Variants in RPS29 observed in about 807,000 individuals in gnomAD.
The protein encoded by RPS29 is small ribosomal subunit protein uS14.
For synonymous variants in RPS29, 37 were observed against 26.9 expected (o/e 1.37, Z -1.16); for missense variants, 60 against 75.7 (o/e 0.79, Z 0.77).
At chr14:49,588,876 C>CTTTTTTTTTTTTTTT (rs577408713), upstream of RPS29, among the ~76,000 whole-genome samples, 1 of 92,466 alleles carries the variant, frequency 1.1e-5, no homozygotes, top group Non-Finnish European at 2.3e-5. Context: ...TTTCTGAGTC[C>CTTTTTTTTTTTTTTT]TTTTTTTTTT....
At chr14:49,587,116 T>C (rs1566483777), upstream of RPS29, among the ~76,000 whole-genome samples, 1 of 152,150 alleles carries the variant, frequency 6.6e-6, no homozygotes, top group South Asian at 2.1e-4. Flanking sequence ...GAGTACGTTT[T>C]CAAATTTATT....
chr14:49,595,967 C>T (rs953770036), intron 1 of RPS29, among the ~76,000 whole-genome samples: 1 of 132,362 alleles, frequency 7.6e-6, no homozygotes, highest in Non-Finnish European at 1.6e-5. Flanking sequence ...GAGGCGAGAT[C>T]GTGCCACTGC....
At chr14:49,581,694 C>G (rs1006185321), downstream of RPS29, among the ~76,000 whole-genome samples, 1 of 152,102 alleles carries the variant, frequency 6.6e-6, no homozygotes, top group Non-Finnish European at 1.5e-5. Flanking sequence ...GAGTCATTAT[C>G]TACTCCTATC....
At chr14:49,571,241 T>C (rs747842543) in exon 3 of RPS29, 13 of 152,110 alleles carry the variant, frequency 8.5e-5, no homozygotes, top group Non-Finnish European at 1.8e-4. Context: ...AAGAATACAC[T>C]TTGCAAAGAA....
Position 49,586,219 on chromosome 14 carries a change from C to T in RPS29, c.62+66G>A, listed in dbSNP as rs1881547197. 1.4e-5 allele frequency: 22 copies of T among 1,550,984 alleles called. No homozygotes were observed. The Admixed American group carries it at 2.8e-4, about 20-fold the overall frequency. ...CTCGTGCCGCCCGTGGCCTCCTCTA[C>T]TTGAGATTTTAAGCAGCCTAGCGCT... On this transcript the variant is annotated intron_variant, in intron 1 of 2. Coordinates refer to ENST00000245458, the MANE Select transcript of RPS29 (RefSeq NM_001032.5).
chr14:49,578,559 CTTTT>C (rs60555753), intron 2 of RPS29, among the ~76,000 whole-genome samples: 24 of 103,450 alleles, frequency 2.3e-4, no homozygotes, highest in Admixed American at 2.2e-3. Flanking sequence ...AAAGCTTTCA[CTTTT>C]TTTTTTTTTT....
intron 1 of RPS29, chr14:49,598,262 A>G (rs912887936): frequency 1.7e-6 from 1 of 593,642 alleles, no homozygotes; most frequent in Admixed American, 3.1e-5. Flanking sequence ...TTTGCTCCCC[A>G]GGCGCTTCCC....
downstream of RPS29, among the ~76,000 whole-genome samples, chr14:49,580,184 A>T (rs1222222713): frequency 1.3e-5 from 2 of 152,190 alleles, no homozygotes; most frequent in Non-Finnish European, 2.9e-5. Flanking sequence ...CTCATGACCA[A>T]ATCAAACACA....
chr14:49,587,331 T>C (rs891894408), upstream of RPS29, among the ~76,000 whole-genome samples: 1 of 152,192 alleles, frequency 6.6e-6, no homozygotes, highest in Non-Finnish European at 1.5e-5. Context: ...AAAAAACCAA[T>C]GTCAATAAAC....
chr14:49,588,912 T>G, upstream of RPS29, among the ~76,000 whole-genome samples: 1 of 120,394 alleles, frequency 8.3e-6, no homozygotes, highest in Admixed American at 9.8e-5. Flanking sequence ...TGAGACGGAG[T>G]CTGGAGTCTC....
At chr14:49,596,001 G>C (rs1881813646) in intron 1 of RPS29, among the ~76,000 whole-genome samples, 1 of 128,986 alleles carries the variant, frequency 7.8e-6, no homozygotes, top group South Asian at 2.8e-4. Flanking sequence ...CAACAGAGCG[G>C]AAGGAAGGAA....
At chr14:49,576,745 C>G (rs997357162) in exon 3 of RPS29, 2 of 152,136 alleles carry the variant, frequency 1.3e-5, no homozygotes, top group African/African-American at 2.4e-5. Context: ...CGGTTTCCCC[C>G]ATACTTTCTC....
chr14:49,592,489 TCCCGAGTAGCTGGGATTACAGGCATGCGC>T (rs1881736281), intron 1 of RPS29, among the ~76,000 whole-genome samples: 2 of 149,140 alleles, frequency 1.3e-5, no homozygotes, highest in South Asian at 4.4e-4. Context: ...TGCCTCAGCC[TCCCGAGTAGCTGGGATTACAGGCATGCGC>T]CACCACCCCC....
chr14:49,598,489 G>A (rs1244635976), exon 1 of RPS29: 5 of 702,252 alleles, frequency 7.1e-6, no homozygotes, highest in African/African-American at 3.5e-5. Flanking sequence ...TGTGCCTCCG[G>A]AGAGCAGCCA....
rs776543668 is a variant in RPS29, at chr14:49,586,336, T to C, written c.11A>G (p.Gln4Arg). The C allele has an allele frequency of 5.6e-6, 9 of 1,613,818 alleles. No homozygotes were observed. Among genetic ancestry groups the C allele is most frequent in the Non-Finnish European group, 7.6e-6 (9 of 1,179,796 alleles). Residue 4 changes from glutamine to arginine, a missense_variant, in exon 1 of 3, where the codon CAG (glutamine) becomes CGG (arginine). Gln to Arg is a conservative substitution (Grantham distance 43). Transcript: ENST00000245458. MGH[Q>R]QLYWSHPRKF... ...TCGCGGGTGGCTCCAGTACAGCTGC[T>C]GGTGACCCATCTTGCTCTCAGCAGT...
exon 3 of RPS29, chr14:49,573,809 A>G (rs1881114112): frequency 6.6e-6 from 1 of 152,218 alleles, no homozygotes; most frequent in Admixed American, 6.5e-5. Context: ...GTCTTCATGA[A>G]TGTTAATAAG....
exon 1 of RPS29, chr14:49,598,574 AG>A: frequency 1.4e-6 from 1 of 702,234 alleles, no homozygotes; most frequent in Non-Finnish European, 2.6e-6. Context: ...GACAGTTCTA[AG>A]TGCCTTTCCC....
intron 2 of RPS29, among the ~76,000 whole-genome samples, chr14:49,584,237 A>G (rs1881436776): frequency 6.6e-6 from 1 of 152,228 alleles, no homozygotes; most frequent in Admixed American, 6.5e-5. Flanking sequence ...TCGGCCTCCC[A>G]AAGTGCTGGG....
chr14:49,583,991 A>T (rs898487084), intron 2 of RPS29, among the ~76,000 whole-genome samples: 2 of 149,846 alleles, frequency 1.3e-5, no homozygotes, highest in Non-Finnish European at 3.0e-5. Context: ...ACAGTTCATC[A>T]TTTTTTTTTT....
Sources: gnomAD v4.1 joint callset for allele counts (sites outside exome capture counted in the v4.1 genomes callset) on GRCh38, gnomAD v4.1.1 for gene constraint, MANE v1.5 for transcripts, NCBI Gene and HGNC (gene_info 2026-07-23, HGNC 2026-07-21) for gene names.